Variants in TSG101 observed in about 807,000 individuals in gnomAD.
TSG101 encodes tumor susceptibility gene 101 protein.
TSG101 carries 19 observed loss-of-function variants against 48.5 expected under a neutral mutation model. The ratio of observed to expected loss-of-function variants is 0.39; its 90% CI spans 0.27 to 0.58. TSG101 has a LOEUF of 0.58. Ranked by LOEUF, TSG101 falls within the 20% of genes least tolerant of loss-of-function variation. TSG101 has a pLI of 0.55. For synonymous variants in TSG101, 174 were observed against 169.4 expected, an observed-to-expected ratio of 1.03 and a Z score of -0.21; for missense variants, 365 against 484.4, an observed-to-expected ratio of 0.75 and a Z score of 2.31.
chr11:18,494,654 C>T (rs772361480), intron 7 of TSG101, among the ~76,000 whole-genome samples: 3 of 152,260 alleles, frequency 2.0e-5, no homozygotes, highest in Non-Finnish European at 4.4e-5. Flanking sequence ...TGGAAGAAAA[C>T]GCTACTTATC....
At chr11:18,521,397 C>T (rs1320693814) in intron 1 of TSG101, among the ~76,000 whole-genome samples, 12 of 108,378 alleles carry the variant, frequency 1.1e-4, no homozygotes. Context: ...GAGATAGGGT[C>T]TCACTCTGTC....
intron 7 of TSG101, among the ~76,000 whole-genome samples, chr11:18,493,745 T>C (rs1004105873): frequency 6.6e-6 from 1 of 152,210 alleles, no homozygotes; most frequent in Middle Eastern, 3.2e-3. Context: ...GGTCTATCTC[T>C]GAAGAAGGAA....
intron 8 of TSG101, 113 bp downstream of exon 8, chr11:18,483,757 G>T: frequency 1.9e-6 from 2 of 1,049,774 alleles, no homozygotes; most frequent in Non-Finnish European, 2.8e-6. Context: ...GTTTAAAGAT[G>T]CCTATAATTT....
chr11:18,497,963 A>G (rs1421231156), intron 7 of TSG101, among the ~76,000 whole-genome samples: 3 of 152,178 alleles, frequency 2.0e-5, no homozygotes, highest in Non-Finnish European at 2.9e-5. Context: ...ATCAGAAAAC[A>G]TAACAGAAAA....
chr11:18,509,177 G>A (rs548156330), intron 5 of TSG101, among the ~76,000 whole-genome samples: 3 of 152,226 alleles, frequency 2.0e-5, no homozygotes, highest in African/African-American at 7.2e-5. Context: ...CACTGATTTT[G>A]TAGTTGCAAA....
intron 7 of TSG101, among the ~76,000 whole-genome samples, chr11:18,496,029 G>A (rs931695120): frequency 1.1e-4 from 17 of 152,102 alleles, no homozygotes; most frequent in African/African-American, 4.1e-4. Flanking sequence ...TTAGTCCACT[G>A]ACATTCCTCA....
chr11:18,519,858 T>C (rs894309244), intron 1 of TSG101, among the ~76,000 whole-genome samples: 3 of 152,172 alleles, frequency 2.0e-5, no homozygotes, highest in African/African-American at 7.2e-5. Flanking sequence ...ACACATTGCA[T>C]TGGTTAAAAC....
At chr11:18,486,308 T>C (rs1019638249) in intron 7 of TSG101, among the ~76,000 whole-genome samples, 2 of 152,208 alleles carry the variant, frequency 1.3e-5, no homozygotes, top group African/African-American at 4.8e-5. Flanking sequence ...GCAGGTAGCA[T>C]GGCTGAGGGA....
At chr11:18,525,502 T>G (rs4635056) in intron 1 of TSG101, among the ~76,000 whole-genome samples, 1 of 147,252 alleles carries the variant, frequency 6.8e-6, no homozygotes, top group Non-Finnish European at 1.5e-5. Context: ...GCCAAGATCG[T>G]GCCACTGCAC....
intron 6 of TSG101, among the ~76,000 whole-genome samples, chr11:18,505,538 A>C (rs1849956045): frequency 6.6e-6 from 1 of 151,904 alleles, no homozygotes; most frequent in Non-Finnish European, 1.5e-5. Context: ...ATTTTAAGTT[A>C]GCCCATAGAC....
intron 4 of TSG101, among the ~76,000 whole-genome samples, chr11:18,512,723 ATTTTTTTTTTTT>A (rs776263228): frequency 5.8e-5 from 7 of 120,372 alleles, no homozygotes; most frequent in Non-Finnish European, 1.0e-4. Flanking sequence ...GGACAGACAG[ATTTTTTTTTTTT>A]TTTTTTTTGA....
chr11:18,487,891 TTTTTTG>T (rs1432378738), intron 7 of TSG101, among the ~76,000 whole-genome samples: 1 of 152,090 alleles, frequency 6.6e-6, no homozygotes, highest in Non-Finnish European at 1.5e-5. Context: ...TATTTGGGTA[TTTTTTG>T]TTTTTAACTG....
rs565700470 is a variant in TSG101, at chr11:18,526,653, A to C, written c.42+122T>G. 10 of 1,213,526 alleles carry C rather than the reference A, an allele frequency of 8.2e-6. No individual in the cohort carries two copies. In the South Asian group the frequency reaches 1.5e-4, roughly 18 times the overall value. The allele number at this position is 1,213,526 out of a possible 1,614,324, so 75.2% of individuals were successfully genotyped here. A position where few individuals can be genotyped will look rare whatever the true frequency, so the allele number is the denominator to read the frequency against. The stretch of plus-strand genomic sequence containing the variant: ...GGGCGGGGTTCTGAGGAGGTCGCTA[A>C]GGACTGCACCGGGGCTTCCGGCCCG... On this transcript the variant is annotated intron_variant, in intron 1 of 9. Coordinates refer to ENST00000251968, the MANE Select transcript of TSG101 (RefSeq NM_006292.4).
intron 9 of TSG101, chr11:18,481,266 CAG>C: frequency 2.0e-6 from 2 of 983,930 alleles, no homozygotes; most frequent in Non-Finnish European, 2.4e-6. Flanking sequence ...AGAAAATTAA[CAG>C]ATAAAAAATG....
chr11:18,516,783 A>T (rs1452743187), intron 2 of TSG101, among the ~76,000 whole-genome samples: 1 of 151,680 alleles, frequency 6.6e-6, no homozygotes, highest in Non-Finnish European at 1.5e-5. Flanking sequence ...CTCTACTAAA[A>T]ATACAAAATT....
chr11:18,517,868 G>T (rs189149775), intron 2 of TSG101, among the ~76,000 whole-genome samples: 1 of 152,074 alleles, frequency 6.6e-6, no homozygotes, highest in Non-Finnish European at 1.5e-5. Flanking sequence ...AAGCTATACC[G>T]CAATGTATTC....
chr11:18,521,563 C>G (rs1052657811), intron 1 of TSG101, among the ~76,000 whole-genome samples: 2 of 150,532 alleles, frequency 1.3e-5, no homozygotes, highest in Admixed American at 6.6e-5. Flanking sequence ...GAGACAGGAT[C>G]TCACTATGTT....
chr11:18,524,581 G>A (rs1850335047), intron 1 of TSG101, among the ~76,000 whole-genome samples: 1 of 152,170 alleles, frequency 6.6e-6, no homozygotes, highest in Non-Finnish European at 1.5e-5. Flanking sequence ...AAAATTCATA[G>A]GTTGGACAGT....
intron 9 of TSG101, chr11:18,481,391 T>G (rs1385184299): frequency 5.4e-6 from 7 of 1,300,158 alleles, no homozygotes; most frequent in Admixed American, 3.6e-5. Flanking sequence ...CTCATCTTAA[T>G]GCTGCCTGTG....
Sources: gnomAD v4.1 joint callset for allele counts (sites outside exome capture counted in the v4.1 genomes callset) on GRCh38, gnomAD v4.1.1 for gene constraint, MANE v1.5 for transcripts, NCBI Gene and HGNC (gene_info 2026-07-23, HGNC 2026-07-21) for gene names.